SLC16A5: variants seen among roughly 807,000 people sequenced by gnomAD.
SLC16A5 encodes solute carrier family 16 member 5.
In SLC16A5, 29 loss-of-function variants were observed where a neutral mutation model predicts 33.2. The ratio of observed to expected loss-of-function variants is 0.87; its 90% CI spans 0.65 to 1.19. SLC16A5 has a LOEUF of 1.19. SLC16A5 is among the 50% of genes most tolerant of loss of function. The probability of loss-of-function intolerance (pLI) is 0.00; values close to 1 mark genes in which losing one functional copy is unlikely to be tolerated. For missense variants in SLC16A5, 606 were observed against 678.2 expected, an observed-to-expected ratio of 0.89 and a Z score of 1.18; for synonymous variants, 248 against 284.1, an observed-to-expected ratio of 0.87 and a Z score of 1.28.
At position 75,089,302 on chromosome 17, in the gene SLC16A5, C is replaced by G. The variant is rs1404251434; in HGVS notation, c.-51C>G. ...GGGCCTGCCTGCCCCCTGGGGAACA[C>G]AGGTGGGTCACATTCATCTCCTCTT... On this transcript the variant is annotated splice_region_variant and 5_prime_UTR_variant, in exon 2 of 7. Transcript: ENST00000329783. 6.6e-6 allele frequency: 1 copy of G among 152,484 alleles called. No individual in the cohort carries two copies. Among genetic ancestry groups the G allele is most frequent in the East Asian group, 1.9e-4 (1 of 5,200 alleles). 9.4% of individuals were successfully genotyped at this position (152,484 alleles called of 1,614,324 possible). A position where few individuals can be genotyped will look rare whatever the true frequency, so the allele number is the denominator to read the frequency against.
chr17:75,107,595 G>A (rs2073872620), downstream of SLC16A5, among the ~76,000 whole-genome samples: 1 of 152,150 alleles, frequency 6.6e-6, no homozygotes. Context: ...ACGAGGTCAA[G>A]ATATCGAGAC....
intron 6 of SLC16A5, chr17:75,104,825 C>T: frequency 1.0e-6 from 1 of 985,424 alleles, no homozygotes; most frequent in Non-Finnish European, 1.2e-6. Flanking sequence ...TACCAGGGTA[C>T]TCGGGGCCCA....
At chr17:75,092,943 G>A (rs896227187) in intron 2 of SLC16A5, among the ~76,000 whole-genome samples, 75 of 151,928 alleles carry the variant, frequency 4.9e-4, no homozygotes, top group Non-Finnish European at 1.0e-4. Context: ...CTGCAAAGGG[G>A]CCGATGGGAA....
intron 6 of SLC16A5, chr17:75,105,180 A>G (rs774595764): frequency 1.9e-4 from 184 of 985,220 alleles, no homozygotes; most frequent in Non-Finnish European, 2.1e-4. Context: ...CTGTGCAGAG[A>G]ACGGGAGGGG....
Position 75,093,849 on chromosome 17 carries a change from G to A in SLC16A5, c.199+14G>A. The stretch of plus-strand genomic sequence containing the variant: ...TCCACATGGCAGGTGAGCGGCCTAG[G>A]GAGGGGCCGATGAGAAAGTCCTAGG... On this transcript the variant is annotated intron_variant, in intron 3 of 6. Coordinates refer to ENST00000329783, the MANE Select transcript of SLC16A5 (RefSeq NM_004695.4). 2 of 1,610,522 alleles carry A rather than the reference G, an allele frequency of 1.2e-6. No individual in the cohort carries two copies. The highest frequency in any genetic ancestry group is 1.1e-5 in the South Asian group (1 of 90,872).
At chr17:75,106,875 A>G (rs1220814069), downstream of SLC16A5, among the ~76,000 whole-genome samples, 1 of 152,064 alleles carries the variant, frequency 6.6e-6, no homozygotes, top group Non-Finnish European at 1.5e-5. Context: ...AGCCTGGGTG[A>G]TGGAATGAGA....
At position 75,100,090 on chromosome 17, in the gene SLC16A5, C is replaced by T; in HGVS notation, c.427C>T (p.Leu143=). The part of the protein sequence containing the change: ...FVRRRVLANA[L]ASMGVSLGIT... The stretch of plus-strand genomic sequence containing the variant: ...CCGCCGGCGGGTGCTGGCCAACGCG[C>T]TGGCCTCGATGGGCGTCTCCCTGGG... Residue 143 remains leucine, a synonymous_variant, in exon 5 of 7, where the codon CTG becomes TTG. Transcript: ENST00000329783. 2 of 1,614,034 alleles carry T rather than the reference C, an allele frequency of 1.2e-6. No homozygotes were observed. The highest frequency in any genetic ancestry group is 2.2e-5 in the South Asian group (2 of 91,074).
At chr17:75,094,757 G>A (rs1209384572) in intron 3 of SLC16A5, among the ~76,000 whole-genome samples, 7 of 152,036 alleles carry the variant, frequency 4.6e-5, no homozygotes, top group African/African-American at 1.7e-4. Flanking sequence ...ACTCCCTGCA[G>A]AGAGGAGGTT....
At chr17:75,106,511 G>A (rs527979557), downstream of SLC16A5, among the ~76,000 whole-genome samples, 79 of 151,762 alleles carry the variant, frequency 5.2e-4, 1 homozygote, top group African/African-American at 1.9e-3. Context: ...CCAGCTACTC[G>A]GGAGGTTGAG....
intron 2 of SLC16A5, among the ~76,000 whole-genome samples, chr17:75,092,407 A>C (rs1053493353): frequency 6.8e-6 from 1 of 146,514 alleles, no homozygotes; most frequent in African/African-American, 2.6e-5. Context: ...ACTAGGCTGG[A>C]GTGCAGTGGC....
rs60903053 is a variant in SLC16A5, at chr17:75,093,576, G to T, written c.-48-13G>T. 131,637 of 1,564,028 alleles carry T rather than the reference G, an allele frequency of 0.084. 6,157 individuals are homozygous for T. Among genetic ancestry groups the T allele is most frequent in the African/African-American group, 0.16 (12,069 of 74,036 alleles). On this transcript the variant is annotated splice_polypyrimidine_tract_variant and intron_variant, in intron 2 of 6. Transcript: ENST00000329783. Reference sequence around the variant, plus strand: ...CCTGCTGACCACCAGGCTCCATTCTGTCCCCTCCCCAGGCAGCAGCCACAT... The same window carrying T: ...CCTGCTGACCACCAGGCTCCATTCTTTCCCCTCCCCAGGCAGCAGCCACAT...
In SLC16A5 at chr17:75,106,056, T is replaced by A; in HGVS notation, c.*23T>A. On this transcript the variant is annotated 3_prime_UTR_variant, in exon 7 of 7. Coordinates refer to ENST00000329783, the MANE Select transcript of SLC16A5 (RefSeq NM_004695.4). ...TGAGTGCCCTGTTTGACTCCGCCACTATCTGCCATGTGAGTTGGGCAAATT... is the reference window on the plus strand; with the variant it reads ...TGAGTGCCCTGTTTGACTCCGCCACAATCTGCCATGTGAGTTGGGCAAATT... 7.7e-7 allele frequency: 1 copy of A among 1,303,238 alleles called. No individual in the cohort carries two copies. Among genetic ancestry groups the A allele is most frequent in the Non-Finnish European group, 1.1e-6 (1 of 927,610 alleles). The allele number at this position is 1,303,238 out of a possible 1,614,324, so 80.7% of individuals were successfully genotyped here. A position where few individuals can be genotyped will look rare whatever the true frequency, so the allele number is the denominator to read the frequency against.
intron 6 of SLC16A5, chr17:75,104,442 G>C: frequency 8.2e-7 from 1 of 1,213,736 alleles, no homozygotes; most frequent in Non-Finnish European, 1.0e-6. Context: ...TTTTTGAGGC[G>C]GAGTTTCACT....
upstream of SLC16A5, chr17:75,087,924 C>T (rs2144970544): frequency 6.6e-6 from 1 of 152,214 alleles, no homozygotes; most frequent in Non-Finnish European, 1.5e-5. Context: ...CCGCCCTGGG[C>T]CCGCCCTGCC....
At chr17:75,096,267 C>T (rs1433875294) in intron 3 of SLC16A5, among the ~76,000 whole-genome samples, 1 of 151,698 alleles carries the variant, frequency 6.6e-6, no homozygotes, top group South Asian at 2.1e-4. Context: ...GCAGAGGAAA[C>T]ACCCTGTGTC....
At chr17:75,099,950 G>T in intron 4 of SLC16A5, 57 bp from the exon 5 acceptor site, 1 of 1,511,386 alleles carries the variant, frequency 6.6e-7, no homozygotes, top group South Asian at 1.2e-5. Context: ...CCCACCCCTG[G>T]GTGCAGGTGG....
At chr17:75,097,996 C>T (rs1241536118) in intron 3 of SLC16A5, 42 bp from the exon 4 acceptor site, 22 of 1,561,888 alleles carry the variant, frequency 1.4e-5, no homozygotes, top group Non-Finnish European at 1.9e-5. Flanking sequence ...CTCCCGCCAC[C>T]TCCTCATTCA....
At chr17:75,109,167 C>T (rs532438031), downstream of SLC16A5, among the ~76,000 whole-genome samples, 73 of 152,240 alleles carry the variant, frequency 4.8e-4, no homozygotes, top group African/African-American at 1.7e-3. This position sits in a 1 kb window ranked among gnomAD's most constrained non-coding sequence, Gnocchi z 5.0. Flanking sequence ...AGGAATCGGC[C>T]GAAGGGCTTC....
chr17:75,092,050 T>TGTGC (rs1555644943), intron 2 of SLC16A5, among the ~76,000 whole-genome samples: 5 of 151,698 alleles, frequency 3.3e-5, no homozygotes, highest in South Asian at 2.1e-4. Context: ...TGTGTGTGTG[T>TGTGC]GCACGCATGC....
Sources: allele counts gnomAD v4.1 joint callset (sites outside exome capture counted in the v4.1 genomes callset), GRCh38; gene constraint gnomAD v4.1.1; non-coding constraint Gnocchi (gnomAD v3.1); transcripts MANE v1.5; gene names NCBI Gene and HGNC (gene_info 2026-07-23, HGNC 2026-07-21).